Variants in ALDH1L1 observed in about 807,000 individuals in gnomAD.
ALDH1L1 encodes the protein cytosolic 10-formyltetrahydrofolate dehydrogenase.
ALDH1L1 carries 68 observed loss-of-function variants against 101.1 expected under a neutral mutation model. The ratio of observed to expected loss-of-function variants is 0.67; its 90% CI spans 0.55 to 0.82. The LOEUF (loss-of-function observed/expected upper bound fraction) is 0.82, where lower values mean the gene tolerates loss of function less well. ALDH1L1 is among the 40% of genes least tolerant of loss of function. The probability of loss-of-function intolerance (pLI) is 0.00; values close to 1 mark genes in which losing one functional copy is unlikely to be tolerated. For synonymous variants in ALDH1L1, 486 were observed against 470.8 expected (o/e 1.03, Z -0.42); for missense variants, 1,087 against 1,172.7 (o/e 0.93, Z 1.07).
At chr3:126,152,638 TGTGGGA>T in intron 7 of ALDH1L1, 1 of 155,374 alleles carries the variant, frequency 6.4e-6, no homozygotes, top group Admixed American at 6.4e-5. Flanking sequence ...CCTGTCAGTG[TGTGGGA>T]AGATCCCTGC....
intron 1 of ALDH1L1, among the ~76,000 whole-genome samples, chr3:126,171,425 T>TA (rs1576492953): frequency 6.6e-6 from 1 of 152,096 alleles, no homozygotes; most frequent in Non-Finnish European, 1.5e-5. Context: ...AAGCCTCTGA[T>TA]AAACTCTCCC....
At chr3:126,134,881 C>T (rs950771644) in intron 12 of ALDH1L1, among the ~76,000 whole-genome samples, 3 of 152,146 alleles carry the variant, frequency 2.0e-5, no homozygotes, top group Non-Finnish European at 4.4e-5. Context: ...AACATCACTC[C>T]ACCTCTGTGA....
chr3:126,148,780 C>T (rs2080751330), intron 8 of ALDH1L1, among the ~76,000 whole-genome samples: 1 of 152,186 alleles, frequency 6.6e-6, no homozygotes, highest in East Asian at 1.9e-4. Flanking sequence ...GCACGGTGAA[C>T]AAATGCAAAC....
rs561398706 is a variant in ALDH1L1 at position 126,167,223 on chromosome 3, A to C, written c.-23-6221T>G. On this transcript the variant is annotated intron_variant, in intron 1 of 22. Coordinates refer to ENST00000393434, the MANE Select transcript of ALDH1L1 (RefSeq NM_012190.4). ...TTTAAGCAAAAAGATTTTAGTTCCC[A>C]AAGTTCTAAAAAAATGACAAAACAA... Among the ~76,000 whole-genome samples, 5 of 152,300 alleles carry C rather than the reference A, an allele frequency of 3.3e-5. No homozygotes were observed. The East Asian group carries it at 9.6e-4, about 29-fold the overall frequency.
chr3:126,188,944 TG>T (rs1277604001), intron 1 of ALDH1L1, among the ~76,000 whole-genome samples: 2 of 152,058 alleles, frequency 1.3e-5, no homozygotes, highest in Non-Finnish European at 1.5e-5. Context: ...GCCTGTTTGT[TG>T]TTTTTTTGTG....
At chr3:126,127,435 C>T (rs932286125) in intron 14 of ALDH1L1, among the ~76,000 whole-genome samples, 1 of 152,150 alleles carries the variant, frequency 6.6e-6, no homozygotes, top group Non-Finnish European at 1.5e-5. Flanking sequence ...TCCTGCTGTG[C>T]GGCCCTGAGC....
chr3:126,173,031 G>A (rs1312265498), intron 1 of ALDH1L1, among the ~76,000 whole-genome samples: 1 of 152,104 alleles, frequency 6.6e-6, no homozygotes, highest in Non-Finnish European at 1.5e-5. Context: ...TTCAAAAGTG[G>A]AGGAGAAAGA....
At chr3:126,174,470 A>G (rs2081337331) in intron 1 of ALDH1L1, among the ~76,000 whole-genome samples, 1 of 152,264 alleles carries the variant, frequency 6.6e-6, no homozygotes, top group Non-Finnish European at 1.5e-5. Context: ...TCTCAAGTTC[A>G]CATGGAATAT....
rs1422620844 is a variant in ALDH1L1 at position 126,138,236 on chromosome 3, AGCTGCTCT to A, written c.1077-284_1077-277del. Reference sequence around the variant, plus strand: ...TCACCTGTAAAACAGAAATAATAATAGCTGCTCTGCTATTTTGCGATGAGTAAATACGA... The same window carrying A: ...TCACCTGTAAAACAGAAATAATAATAGCTATTTTGCGATGAGTAAATACGA... On this transcript the variant is annotated intron_variant, in intron 9 of 22. Transcript: ENST00000393434. 2.0e-5 allele frequency among the ~76,000 whole-genome samples: 3 copies of A among 152,320 alleles called. No homozygotes were observed. In the East Asian group the frequency reaches 5.8e-4, roughly 29 times the overall value.
intron 9 of ALDH1L1, among the ~76,000 whole-genome samples, chr3:126,146,005 T>G (rs146044184): frequency 6.6e-6 from 1 of 152,098 alleles, no homozygotes. Context: ...AAAACAATTA[T>G]TACAAACTGC....
Position 126,131,419 on chromosome 3 carries a change from A to G in ALDH1L1, c.1588T>C (p.Phe530Leu), listed in dbSNP as rs757210505. The G allele has an allele frequency of 6.8e-6, 11 of 1,609,696 alleles. No individual in the cohort carries two copies. The highest frequency in any genetic ancestry group is 1.7e-4 in the Middle Eastern group (1 of 6,046). ...KTHVGMSIQT[F>L]RYFAGWCDKI... The stretch of plus-strand genomic sequence containing the variant: ...TCACACCAGCCAGCAAAGTAGCGGA[A>G]GGTCTGGATGGACATGCCCACGTGG... The change falls in exon 13 of 23, where the codon TTC becomes CTC. Residue 530 changes from phenylalanine (F) to leucine (L), a missense_variant. Transcript: ENST00000393434.
At chr3:126,176,226 G>A (rs2081362484) in intron 1 of ALDH1L1, among the ~76,000 whole-genome samples, 1 of 152,152 alleles carries the variant, frequency 6.6e-6, no homozygotes, top group Non-Finnish European at 1.5e-5. Flanking sequence ...CATGGGTAGG[G>A]AAACTCTATA....
chr3:126,105,345 C>T (rs73198440), intron 22 of ALDH1L1: 6,060 of 346,154 alleles, frequency 0.018, 84 homozygotes, highest in Non-Finnish European at 0.025. Context: ...TGCAGCTCCA[C>T]GACCAAAGCT....
chr3:126,183,515 G>A (rs1361423149), upstream of ALDH1L1, among the ~76,000 whole-genome samples: 1 of 152,188 alleles, frequency 6.6e-6, no homozygotes. Flanking sequence ...CCCAAAGGGT[G>A]GAGCCAAGAG....
chr3:126,126,042 G>A (rs549235429), intron 14 of ALDH1L1, among the ~76,000 whole-genome samples: 1 of 152,232 alleles, frequency 6.6e-6, no homozygotes, highest in South Asian at 2.1e-4. Context: ...CACAGGTGAG[G>A]ACACAGGCCA....
chr3:126,105,493 G>A, intron 22 of ALDH1L1: 1 of 565,604 alleles, frequency 1.8e-6, no homozygotes, highest in South Asian at 1.9e-5. Context: ...CTCCTGGCTG[G>A]AGTGTCTCCT....
chr3:126,137,779 G>T (rs769052013), intron 10 of ALDH1L1, 34 bp downstream of exon 10: 14 of 1,606,214 alleles, frequency 8.7e-6, no homozygotes, highest in Non-Finnish European at 3.4e-6. Flanking sequence ...TGAGGGCTCT[G>T]CAGGGCCTGC....
At chr3:126,113,939 A>G (rs1053216529) in intron 18 of ALDH1L1, among the ~76,000 whole-genome samples, 2 of 152,192 alleles carry the variant, frequency 1.3e-5, no homozygotes, top group Non-Finnish European at 2.9e-5. Context: ...GTCCCTATCC[A>G]CAGGTGGGAG....
intron 1 of ALDH1L1, among the ~76,000 whole-genome samples, chr3:126,162,286 A>G (rs951120148): frequency 2.0e-5 from 3 of 152,170 alleles, no homozygotes; most frequent in African/African-American, 7.2e-5. Flanking sequence ...AGACGCTGCC[A>G]GTTTTCCAGA....
Sources: allele counts gnomAD v4.1 joint callset (sites outside exome capture counted in the v4.1 genomes callset), GRCh38; gene constraint gnomAD v4.1.1; transcripts MANE v1.5; gene names NCBI Gene and HGNC (gene_info 2026-07-23, HGNC 2026-07-21).